Variants in SLIT3 observed in about 807,000 individuals in gnomAD.
SLIT3 encodes slit guidance ligand 3, also known as slit homolog 3 protein.
Under a neutral mutation model 184.0 loss-of-function variants are expected in SLIT3, and 68 were observed. That is an observed-to-expected ratio of 0.37 (90% CI 0.30 to 0.45). The LOEUF is 0.45. SLIT3 is among the 20% of genes least tolerant of loss of function. The pLI, the probability that SLIT3 is intolerant of heterozygous loss-of-function variation, is 1.00. For missense variants in SLIT3, 1,707 were observed against 2,026.0 expected, an observed-to-expected ratio of 0.84 and a Z score of 3.02; for synonymous variants, 831 against 828.6, an observed-to-expected ratio of 1.00 and a Z score of -0.05.
chr5:168,734,165 C>T (rs1323281658), intron 20 of SLIT3, among the ~76,000 whole-genome samples: 1 of 152,154 alleles, frequency 6.6e-6, no homozygotes, highest in African/African-American at 2.4e-5. Flanking sequence ...GTACTTGTAC[C>T]TCCTAAATAT....
At position 168,833,810 on chromosome 5, in the gene SLIT3, C is replaced by T. The variant is rs374761557; in HGVS notation, c.558-10479G>A. Among the ~76,000 whole-genome samples the T allele has an allele frequency of 7.2e-5, 11 of 152,178 alleles. No individual in the cohort carries two copies. The South Asian group carries it at 8.3e-4, about 11-fold the overall frequency. On this transcript the variant is annotated intron_variant, in intron 6 of 35. Transcript: ENST00000519560. ...TATGGCTGTGGGCAAGTCATTTAAC[C>T]TTTGTGAGGGAGTTTCTTTTTTTTT...
chr5:168,732,273 A>G (rs1019378364), intron 20 of SLIT3, among the ~76,000 whole-genome samples: 1 of 152,078 alleles, frequency 6.6e-6, no homozygotes, highest in Non-Finnish European at 1.5e-5. Flanking sequence ...AAAGATGTCT[A>G]TCAGGAGAAC....
chr5:169,018,915 T>C (rs1581311938), intron 4 of SLIT3, among the ~76,000 whole-genome samples: 1 of 152,166 alleles, frequency 6.6e-6, no homozygotes, highest in Non-Finnish European at 1.5e-5. Flanking sequence ...GCAGTGGCTG[T>C]CTCAAGGTCA....
intron 4 of SLIT3, among the ~76,000 whole-genome samples, chr5:169,148,117 T>A (rs186175583): frequency 2.0e-5 from 3 of 152,330 alleles, no homozygotes; most frequent in Admixed American, 2.0e-4. Flanking sequence ...CCTCCTTCCA[T>A]GCAGCTCCAA....
At chr5:169,134,524 T>A (rs1421767) in intron 4 of SLIT3, among the ~76,000 whole-genome samples, 51,218 of 152,034 alleles carry the variant, frequency 0.34, 9,080 homozygotes, top group Middle Eastern at 0.46. Flanking sequence ...CTGTGCATCC[T>A]CAGGGACACC....
intron 14 of SLIT3, chr5:168,768,088 G>A (rs1177401071): frequency 3.4e-5 from 14 of 415,234 alleles, no homozygotes; most frequent in African/African-American, 8.1e-5. Context: ...GGTGGGCTGC[G>A]GTGCTCCAGA....
At chr5:168,829,300 G>A (rs1347963781) in intron 6 of SLIT3, among the ~76,000 whole-genome samples, 4 of 152,222 alleles carry the variant, frequency 2.6e-5, no homozygotes, top group African/African-American at 9.6e-5. Flanking sequence ...AATATTATCT[G>A]TGAGCATGTA....
At chr5:169,041,927 C>T (rs986026963) in intron 4 of SLIT3, among the ~76,000 whole-genome samples, 4 of 152,172 alleles carry the variant, frequency 2.6e-5, no homozygotes, top group African/African-American at 9.7e-5. Context: ...AGATCCCTTC[C>T]TGGAAATGAA....
chr5:168,784,957 A>G (rs911224024), intron 12 of SLIT3, among the ~76,000 whole-genome samples: 4 of 151,822 alleles, frequency 2.6e-5, no homozygotes, highest in Non-Finnish European at 4.4e-5. Context: ...GAGGTTTCTG[A>G]ATGAAGGGCA....
At chr5:168,782,099 G>A (rs1327849258) in intron 12 of SLIT3, among the ~76,000 whole-genome samples, 1 of 152,196 alleles carries the variant, frequency 6.6e-6, no homozygotes, top group Admixed American at 6.5e-5. Context: ...ACTATAGGGA[G>A]TGAAGTTTTG....
chr5:168,679,954 C>T (rs530302447), intron 32 of SLIT3, among the ~76,000 whole-genome samples: 1 of 152,364 alleles, frequency 6.6e-6, no homozygotes, highest in Non-Finnish European at 1.5e-5. Context: ...ACTCAGAGAG[C>T]ATGCACTGCA....
rs548234304 is a variant in SLIT3 at position 169,064,629 on chromosome 5, G to C, written c.413+128850C>G. ...CTTCACATGCAATAACTGGCTGTAT[G>C]ATGAGTGTTACGGCTTCCCGTGCCA... On this transcript the variant is annotated intron_variant, in intron 4 of 35. Transcript: ENST00000519560. 2.9e-4 allele frequency among the ~76,000 whole-genome samples: 44 copies of C among 152,254 alleles called. No individual in the cohort carries two copies. In the South Asian group the frequency reaches 7.9e-3, roughly 27 times the overall value.
intron 4 of SLIT3, among the ~76,000 whole-genome samples, chr5:169,126,575 G>T (rs1268357530): frequency 2.0e-5 from 3 of 152,208 alleles, no homozygotes; most frequent in Non-Finnish European, 4.4e-5. Flanking sequence ...TGACATCATG[G>T]TTGACACAGA....
chr5:168,803,015 GTTGT>G (rs59599556), intron 9 of SLIT3, among the ~76,000 whole-genome samples: 35,043 of 151,932 alleles, frequency 0.23, 4,214 homozygotes, highest in East Asian at 0.41. Flanking sequence ...TAACCTCTTG[GTTGT>G]TTGTATCTCC....
At chr5:168,812,528 GAAC>G (rs1053083793) in intron 8 of SLIT3, among the ~76,000 whole-genome samples, 1 of 152,046 alleles carries the variant, frequency 6.6e-6, no homozygotes, top group African/African-American at 2.4e-5. Context: ...TTGAAAGTCT[GAAC>G]AACAACAAAA....
At chr5:169,025,911 G>A (rs1756803904) in intron 4 of SLIT3, among the ~76,000 whole-genome samples, 2 of 152,132 alleles carry the variant, frequency 1.3e-5, no homozygotes, top group Admixed American at 1.3e-4. Flanking sequence ...CTTTATACCT[G>A]GCTTGGCCCT....
At chr5:168,698,883 T>A (rs1295636822) in intron 27 of SLIT3, among the ~76,000 whole-genome samples, 1 of 152,248 alleles carries the variant, frequency 6.6e-6, no homozygotes, top group Non-Finnish European at 1.5e-5. Flanking sequence ...TTTCTGTTCA[T>A]CTGAAACTCT....
rs376356942 is a variant in SLIT3, at chr5:169,205,706, A to C, written c.342-12156T>G. On this transcript the variant is annotated intron_variant, in intron 3 of 35. Coordinates refer to ENST00000519560, the MANE Select transcript of SLIT3 (RefSeq NM_003062.4). Reference sequence around the variant, plus strand: ...AGGGGGCAAACTTTGTGAAGAACTGAAAGTGCTATAAGTTGCGTGCTGCTG... The same window carrying C: ...AGGGGGCAAACTTTGTGAAGAACTGCAAGTGCTATAAGTTGCGTGCTGCTG... 2.6e-5 allele frequency among the ~76,000 whole-genome samples: 4 copies of C among 152,370 alleles called. No individual in the cohort carries two copies. The East Asian group carries it at 5.8e-4, about 22-fold the overall frequency.
chr5:168,666,950 A>G (rs954089963), intron 35 of SLIT3, among the ~76,000 whole-genome samples: 1 of 152,228 alleles, frequency 6.6e-6, no homozygotes, highest in African/African-American at 2.4e-5. Context: ...CCTTCCTTCA[A>G]GAAACCTAAA....
Sources: gnomAD v4.1 joint callset for allele counts (sites outside exome capture counted in the v4.1 genomes callset) on GRCh38, gnomAD v4.1.1 for gene constraint, MANE v1.5 for transcripts, NCBI Gene and HGNC (gene_info 2026-07-23, HGNC 2026-07-21) for gene names.